The following GOLGA3 variants were observed in gnomAD, a reference collection of about 807,000 sequenced individuals.
The protein encoded by GOLGA3 is golgin subfamily A member 3.
GOLGA3 carries 75 observed loss-of-function variants against 169.4 expected under a neutral mutation model. That is an observed-to-expected ratio of 0.44 (90% confidence interval 0.37 to 0.54). GOLGA3 has a LOEUF of 0.54. Among genes scored for constraint, GOLGA3 ranks in the 20% least tolerant of loss-of-function variants. The probability of loss-of-function intolerance (pLI) is 0.00; values close to 1 mark genes in which losing one functional copy is unlikely to be tolerated. For synonymous variants in GOLGA3, 824 were observed against 822.4 expected, an observed-to-expected ratio of 1.00 and a Z score of -0.03; for missense variants, 1,899 against 1,930.0, an observed-to-expected ratio of 0.98 and a Z score of 0.30.
intron 18 of GOLGA3, among the ~76,000 whole-genome samples, chr12:132,778,428 A>G (rs934352876): frequency 1.9e-4 from 29 of 151,994 alleles, no homozygotes; most frequent in Admixed American, 1.5e-3. Flanking sequence ...AAAATTAGCC[A>G]GGCGTGGTGG....
chr12:132,770,189 C>CG lies in GOLGA3; in HGVS notation c.*2915dup, dbSNP rs1230710726. ...CGGAGCTTGCAGTGAGCAGAGATCACGCCACTGCACTCCAGCCTGGGCGAC... is the reference window on the plus strand; with the variant it reads ...CGGAGCTTGCAGTGAGCAGAGATCACGGCCACTGCACTCCAGCCTGGGCGAC... On this transcript the variant is annotated 3_prime_UTR_variant, in exon 24 of 24. Coordinates refer to ENST00000450791, the MANE Select transcript of GOLGA3 (RefSeq NM_001389683.1). 6.6e-6 allele frequency: 1 copy of CG among 150,382 alleles called. No individual in the cohort carries two copies. Among genetic ancestry groups the CG allele is most frequent in the Non-Finnish European group, 1.5e-5 (1 of 67,832 alleles). The allele number at this position is 150,382 out of a possible 1,614,324, so 9.3% of individuals were successfully genotyped here. A position where few individuals can be genotyped will look rare whatever the true frequency, so the allele number is the denominator to read the frequency against.
chr12:132,818,761 G>C (rs777376273), intron 2 of GOLGA3, among the ~76,000 whole-genome samples: 2 of 152,082 alleles, frequency 1.3e-5, no homozygotes, highest in Non-Finnish European at 2.9e-5. Flanking sequence ...CCTCCAAGGC[G>C]AGGACCCTAA....
chr12:132,796,279 C>G (rs1315618322), intron 10 of GOLGA3, 59 bp from the exon 11 acceptor site: 50 of 1,514,182 alleles, frequency 3.3e-5, no homozygotes, highest in Non-Finnish European at 3.9e-5. Flanking sequence ...AGCGTATGCC[C>G]TTTTCCTGTT....
intron 12 of GOLGA3, among the ~76,000 whole-genome samples, chr12:132,790,390 C>G (rs866623576): frequency 1.3e-5 from 2 of 152,280 alleles, no homozygotes; most frequent in Non-Finnish European, 1.5e-5. Context: ...AGGGGTCACC[C>G]TCGCTCAGAA....
chr12:132,789,110 G>A lies in GOLGA3; in HGVS notation c.2728C>T (p.Gln910Ter). 6.2e-7 allele frequency: 1 copy of A among 1,613,344 alleles called. No individual in the cohort carries two copies. The highest frequency in any genetic ancestry group is 8.5e-7 in the Non-Finnish European group (1 of 1,179,982). The change falls in exon 13 of 24, where the codon CAG becomes TAG. Residue 910 changes from glutamine to a stop codon, truncating the protein, a stop_gained. Coordinates refer to ENST00000450791, the MANE Select transcript of GOLGA3 (RefSeq NM_001389683.1). LOFTEE classifies it high-confidence loss of function. ...ELSRLHREVA[Q>*]VRQHMADLEG... ...AGGTCCGCCATGTGCTGACGGACCT[G>A]GGCCACCTCTCTGTGCAGGCGCGAG...
intron 6 of GOLGA3, among the ~76,000 whole-genome samples, chr12:132,805,673 C>T (rs60339923): frequency 2.0e-5 from 3 of 152,044 alleles, no homozygotes; most frequent in Non-Finnish European, 2.9e-5. Flanking sequence ...CAGAAAAAGG[C>T]GACTTTCCAA....
At position 132,776,949 on chromosome 12, in the gene GOLGA3, A is replaced by G; in HGVS notation, c.3855+9T>C. ...CAGCCCTGCAAGTCCAGCCCCCGTG[A>G]ACCGTCACCTCTTGGTTTCCCACGG... On this transcript the variant is annotated intron_variant, in intron 20 of 23. Transcript: ENST00000450791. 6.4e-7 allele frequency: 1 copy of G among 1,574,172 alleles called. No individual in the cohort carries two copies. Among genetic ancestry groups the G allele is most frequent in the Non-Finnish European group, 8.6e-7 (1 of 1,159,894 alleles).
chr12:132,798,196 A>G, intron 9 of GOLGA3, 144 bp downstream of exon 9: 1 of 634,700 alleles, frequency 1.6e-6, no homozygotes, highest in Non-Finnish European at 2.4e-6. Context: ...GGGGTCCCAA[A>G]GCCTTAACGA....
rs1289101833 is a variant in GOLGA3, at chr12:132,769,867, ACT to A, written c.*3236_*3237del. ...AATTCAAACTTTATGCACTGAAGTA[ACT>A]CTGGAAGGTAGAAGTGCCGGGAGAG... On this transcript the variant is annotated 3_prime_UTR_variant, in exon 24 of 24. Transcript: ENST00000450791. 8 of 152,200 alleles carry A rather than the reference ACT, an allele frequency of 5.3e-5. No homozygotes were observed. The highest frequency in any genetic ancestry group is 8.8e-5 in the Non-Finnish European group (6 of 68,030). The allele number at this position is 152,200 out of a possible 1,614,324, so 9.4% of individuals were successfully genotyped here.
intron 23 of GOLGA3, 26 bp from the exon 24 acceptor site, chr12:132,773,320 G>C: frequency 7.4e-7 from 1 of 1,344,452 alleles, no homozygotes; most frequent in Non-Finnish European, 9.8e-7. Flanking sequence ...GAGGAAGAAG[G>C]CCCAGATCAC....
At chr12:132,812,229 A>AATTT (rs1949756290) in intron 4 of GOLGA3, among the ~76,000 whole-genome samples, 1 of 143,842 alleles carries the variant, frequency 7.0e-6, no homozygotes. Context: ...ATATATATAT[A>AATTT]TTTTTTTTAA....
Position 132,771,498 on chromosome 12 carries a change from T to C in GOLGA3, c.*1607A>G, listed in dbSNP as rs1186036457. ...GCCAGTGTCTGCAGGGTTTCAGGAT[T>C]TGGGGTAGGAAACAGAAGATCTCAC... On this transcript the variant is annotated 3_prime_UTR_variant, in exon 24 of 24. Coordinates refer to ENST00000450791, the MANE Select transcript of GOLGA3 (RefSeq NM_001389683.1). 1 of 152,110 alleles carries C rather than the reference T, an allele frequency of 6.6e-6. No individual in the cohort carries two copies. Among genetic ancestry groups the C allele is most frequent in the African/African-American group, 2.4e-5 (1 of 41,404 alleles). 9.4% of individuals were successfully genotyped at this position (152,110 alleles called of 1,614,324 possible). A position where few individuals can be genotyped will look rare whatever the true frequency, so the allele number is the denominator to read the frequency against.
chr12:132,769,179 C>A lies in GOLGA3; in HGVS notation c.*3926G>T. 1 of 152,386 alleles carries A rather than the reference C, an allele frequency of 6.6e-6. No individual in the cohort carries two copies. 9.4% of individuals were successfully genotyped at this position (152,386 alleles called of 1,614,324 possible). A position where few individuals can be genotyped will look rare whatever the true frequency, so the allele number is the denominator to read the frequency against. On this transcript the variant is annotated 3_prime_UTR_variant, in exon 24 of 24. Coordinates refer to ENST00000450791, the MANE Select transcript of GOLGA3 (RefSeq NM_001389683.1). The stretch of plus-strand genomic sequence containing the variant: ...CTGAGATCACTTATGACGAGATTCA[C>A]CTGGACCTTCCGGTCAGTGAGCTCA...
chr12:132,789,057 C>T lies in GOLGA3; in HGVS notation c.2781G>A (p.Lys927=). The change falls in exon 13 of 24, where the codon AAG becomes AAA. Residue 927 remains lysine, a synonymous_variant. Coordinates refer to ENST00000450791, the MANE Select transcript of GOLGA3 (RefSeq NM_001389683.1). ...AGTGTGTTTCCATCTCGTCTCGCTC[C>T]TTCTGCGCCGACTGGAGATGCCCTT... The part of the protein sequence containing the change: ...DLEGHLQSAQ[K]ERDEMETHLQ... 6.3e-7 allele frequency: 1 copy of T among 1,593,214 alleles called. No homozygotes were observed. Among genetic ancestry groups the T allele is most frequent in the Non-Finnish European group, 8.6e-7 (1 of 1,167,500 alleles).
intron 4 of GOLGA3, 77 bp from the exon 5 acceptor site, chr12:132,808,626 T>G: frequency 8.6e-7 from 1 of 1,167,372 alleles, no homozygotes; most frequent in South Asian, 1.5e-5. Flanking sequence ...TTCAGAAAGG[T>G]GGCACCGATC....
In GOLGA3 at chr12:132,777,167, C is replaced by T; in HGVS notation, c.3723-77G>A. ...TGTGCCCTCCCGCTGGGAAATGCTG[C>T]CTGTGGAAGGCGTTCGTCCTGGCAG... On this transcript the variant is annotated intron_variant, in intron 19 of 23. Transcript: ENST00000450791. This position sits in a 1 kb window ranked among gnomAD's most constrained non-coding sequence, Gnocchi z 4.7. The T allele has an allele frequency of 1.3e-6, 2 of 1,483,758 alleles. No homozygotes were observed. Among genetic ancestry groups the T allele is most frequent in the Non-Finnish European group, 1.8e-6 (2 of 1,104,470 alleles). 91.9% of individuals were successfully genotyped at this position (1,483,758 alleles called of 1,614,324 possible). A position where few individuals can be genotyped will look rare whatever the true frequency, so the allele number is the denominator to read the frequency against.
rs577191864 is a variant in GOLGA3, at chr12:132,782,779, G to A, written c.3268-286C>T. On this transcript the variant is annotated intron_variant, in intron 16 of 23. Coordinates refer to ENST00000450791, the MANE Select transcript of GOLGA3 (RefSeq NM_001389683.1). ...TAGTCCCAGCTACTCAGGAGGCTGA[G>A]GCAGAAGGATCGCTTGAACCCAGGA... Among the ~76,000 whole-genome samples the A allele has an allele frequency of 1.1e-4, 17 of 151,846 alleles. No homozygotes were observed. The East Asian group carries it at 3.1e-3, about 28-fold the overall frequency.
At position 132,786,436 on chromosome 12, in the gene GOLGA3, C is replaced by T. The variant is rs200122636; in HGVS notation, c.3026G>A (p.Arg1009His). Residue 1009 changes from arginine (R) to histidine (H), a missense_variant, in exon 15 of 24, where the codon CGC becomes CAC. By Grantham distance (29) the Arg-to-His change is conservative (BLOSUM62 0). Coordinates refer to ENST00000450791, the MANE Select transcript of GOLGA3 (RefSeq NM_001389683.1). ...YENAVGILSR[R>H]LQEALAAKEA... ...CTTGGCCGCGAGGGCCTCCTGCAGGCGGCGGCTGAGGATGCCCACGGCGTT... is the reference window on the plus strand; with the variant it reads ...CTTGGCCGCGAGGGCCTCCTGCAGGTGGCGGCTGAGGATGCCCACGGCGTT... The T allele has an allele frequency of 4.8e-5, 77 of 1,613,334 alleles. No individual in the cohort carries two copies. Among genetic ancestry groups the T allele is most frequent in the African/African-American group, 1.2e-4 (9 of 75,012 alleles).
intron 11 of GOLGA3, among the ~76,000 whole-genome samples, chr12:132,792,838 G>T (rs12322035): frequency 7.1e-5 from 3 of 42,334 alleles, no homozygotes; most frequent in African/African-American, 1.8e-4. Context: ...GGCTCCACAC[G>T]GACCGACCAC....
Sources: allele counts gnomAD v4.1 joint callset (sites outside exome capture counted in the v4.1 genomes callset), GRCh38; gene constraint gnomAD v4.1.1; non-coding constraint Gnocchi (gnomAD v3.1); transcripts MANE v1.5; gene names NCBI Gene and HGNC (gene_info 2026-07-23, HGNC 2026-07-21).